Variants in PKP4 observed in about 807,000 individuals in gnomAD.
PKP4 encodes plakophilin-4.
Under a neutral mutation model 145.1 loss-of-function variants are expected in PKP4, and 90 were observed. The observed-to-expected ratio is 0.62, with a 90% CI of 0.52 to 0.74. The LOEUF is 0.74. Among genes scored for constraint, PKP4 ranks in the 30% least tolerant of loss-of-function variants. The pLI, the probability that PKP4 is intolerant of heterozygous loss-of-function variation, is 0.00. For missense variants in PKP4, 1,340 were observed against 1,482.7 expected, an observed-to-expected ratio of 0.90 and a Z score of 1.58; for synonymous variants, 563 against 577.2, an observed-to-expected ratio of 0.98 and a Z score of 0.35.
chr2:158,467,140 T>C (rs1326432623), intron 1 of PKP4, among the ~76,000 whole-genome samples: 4 of 152,212 alleles, frequency 2.6e-5, no homozygotes, highest in Non-Finnish European at 4.4e-5. Context: ...AATATTCTTA[T>C]ACATTTTGGT....
intron 8 of PKP4, 73 bp downstream of exon 8, chr2:158,632,014 G>A (rs1417828619): frequency 7.2e-7 from 1 of 1,383,100 alleles, no homozygotes; most frequent in Non-Finnish European, 1.0e-6. Context: ...TTGAGATTGG[G>A]TTCCCTGTTA....
intron 1 of PKP4, among the ~76,000 whole-genome samples, chr2:158,491,273 G>A (rs1253627090): frequency 1.3e-5 from 2 of 152,132 alleles, no homozygotes; most frequent in African/African-American, 4.8e-5. Flanking sequence ...AATATGCCTA[G>A]CACCAGAATT....
At position 158,592,648 on chromosome 2, in the gene PKP4, AAAG is replaced by A. The variant is rs2049375043; in HGVS notation, c.246-10421_246-10419del. On this transcript the variant is annotated intron_variant, in intron 3 of 21. Transcript: ENST00000389759. ...TTTACTCTGGATAATTAGTAGACAG[AAAG>A]TGAATATCATTCTTTAGACACACAC... 2.0e-5 allele frequency among the ~76,000 whole-genome samples: 3 copies of A among 152,258 alleles called. No individual in the cohort carries two copies. In the South Asian group the frequency reaches 6.2e-4, roughly 32 times the overall value.
At chr2:158,655,997 C>CA (rs1335847995) in intron 11 of PKP4, among the ~76,000 whole-genome samples, 1 of 152,080 alleles carries the variant, frequency 6.6e-6, no homozygotes, top group African/African-American at 2.4e-5. Context: ...GACAGACTGC[C>CA]AAAAAAAGTG....
chr2:158,669,428 T>G (rs1006144766), intron 16 of PKP4: 1 of 238,342 alleles, frequency 4.2e-6, no homozygotes, highest in Non-Finnish European at 8.0e-6. Flanking sequence ...CGAACGAAAG[T>G]AACTTGATTT....
At chr2:158,523,332 C>T (rs1354019547) in intron 1 of PKP4, among the ~76,000 whole-genome samples, 16 of 89,738 alleles carry the variant, frequency 1.8e-4, no homozygotes, top group African/African-American at 2.8e-4. Flanking sequence ...CCCTGACCCC[C>T]GAGCAGCCTA....
intron 1 of PKP4, among the ~76,000 whole-genome samples, chr2:158,494,877 ATT>A (rs112070193): frequency 4.7e-5 from 7 of 148,522 alleles, no homozygotes; most frequent in African/African-American, 1.5e-4. Context: ...TCATTGCTCT[ATT>A]TTTTTTTTTA....
At chr2:158,490,423 T>G (rs532109880) in intron 1 of PKP4, among the ~76,000 whole-genome samples, 24 of 151,964 alleles carry the variant, frequency 1.6e-4, no homozygotes, top group African/African-American at 5.3e-4. Context: ...TTTTAGGGGG[T>G]TAAAAGATGC....
intron 4 of PKP4, among the ~76,000 whole-genome samples, chr2:158,615,838 G>A (rs996749631): frequency 3.3e-5 from 5 of 152,104 alleles, no homozygotes; most frequent in Admixed American, 6.5e-5. Flanking sequence ...TCCATTTTCC[G>A]AGGCCTTTTT....
chr2:158,639,409 A>G (rs951644643), intron 9 of PKP4, among the ~76,000 whole-genome samples: 4 of 152,160 alleles, frequency 2.6e-5, no homozygotes, highest in African/African-American at 9.7e-5. Flanking sequence ...GGGGTCTAAC[A>G]AGTTAATACA....
chr2:158,560,750 T>C (rs1049401273), intron 2 of PKP4, among the ~76,000 whole-genome samples: 2 of 152,234 alleles, frequency 1.3e-5, no homozygotes, highest in Non-Finnish European at 2.9e-5. Context: ...ATTTTGTTCA[T>C]GTACTTCACA....
intron 1 of PKP4, chr2:158,457,716 C>T (rs1689035210): frequency 6.5e-6 from 1 of 153,850 alleles, no homozygotes; most frequent in Non-Finnish European, 1.4e-5. Flanking sequence ...ACCTTGGTCC[C>T]CTCCCCGTCT....
At chr2:158,553,289 C>T (rs752478601) in intron 2 of PKP4, among the ~76,000 whole-genome samples, 1 of 152,118 alleles carries the variant, frequency 6.6e-6, no homozygotes, top group East Asian at 1.9e-4. Flanking sequence ...CTAGAGAGAA[C>T]GCCAAGGATG....
At chr2:158,494,721 A>C (rs1391526794) in intron 1 of PKP4, among the ~76,000 whole-genome samples, 1 of 152,192 alleles carries the variant, frequency 6.6e-6, no homozygotes, top group Non-Finnish European at 1.5e-5. Context: ...TTATAACCAA[A>C]TAGAGATTTT....
intron 11 of PKP4, among the ~76,000 whole-genome samples, chr2:158,649,242 G>A (rs1326529643): frequency 2.0e-5 from 3 of 152,112 alleles, no homozygotes; most frequent in African/African-American, 7.2e-5. Context: ...GGTTGAGCAG[G>A]CAAGTCTCCA....
At position 158,674,005 on chromosome 2, in the gene PKP4, G is replaced by C; in HGVS notation, c.3127+5G>C. 6.8e-7 allele frequency: 1 copy of C among 1,460,218 alleles called. No individual in the cohort carries two copies. The highest frequency in any genetic ancestry group is 9.6e-7 in the Non-Finnish European group (1 of 1,039,202). 90.5% of individuals were successfully genotyped at this position (1,460,218 alleles called of 1,614,324 possible). ...TGTCACCCATCATTCAGTCAGGTCA[G>C]TGGGAAAATGCCACTCCTTGGCGAG... On this transcript the variant is annotated splice_donor_5th_base_variant and intron_variant, in intron 19 of 21. Coordinates refer to ENST00000389759, the MANE Select transcript of PKP4 (RefSeq NM_003628.6).
In PKP4 at chr2:158,676,867, G is replaced by T; in HGVS notation, c.3256G>T (p.Gly1086Cys). 1 of 1,614,002 alleles carries T rather than the reference G, an allele frequency of 6.2e-7. No homozygotes were observed. Among genetic ancestry groups the T allele is most frequent in the Non-Finnish European group, 8.5e-7 (1 of 1,179,992 alleles). ...GDATHKGLYPGSSKPSPIYIS... is the reference protein window; with the variant it reads ...GDATHKGLYPCSSKPSPIYIS... The stretch of plus-strand genomic sequence containing the variant: ...TGCCACACATAAAGGCCTGTACCCT[G>T]GTAAGACGCCAGTTGGGTGTGTGAT... Residue 1086 changes from glycine to cysteine, a missense_variant and splice_region_variant, in exon 20 of 22, where the codon GGC becomes TGC. Transcript: ENST00000389759.
Position 158,504,317 on chromosome 2 carries a change from A to G in PKP4, c.-5-28863A>G, listed in dbSNP as rs184120170. Among the ~76,000 whole-genome samples, 62 of 152,352 alleles carry G rather than the reference A, an allele frequency of 4.1e-4. No individual in the cohort carries two copies. The East Asian group carries it at 9.8e-3, about 24-fold the overall frequency. On this transcript the variant is annotated intron_variant, in intron 1 of 21. Coordinates refer to ENST00000389759, the MANE Select transcript of PKP4 (RefSeq NM_003628.6). ...GCCCAGGGCCTGACACATAGTGGAC[A>G]CTGAGTAAATGCTGGAATGAACAAA...
chr2:158,656,895 G>T (rs1275450727), intron 11 of PKP4, among the ~76,000 whole-genome samples: 1 of 152,164 alleles, frequency 6.6e-6, no homozygotes, highest in South Asian at 2.1e-4. Flanking sequence ...GGCTGAGCAG[G>T]TGGTGTCCAG....
Sources: allele counts gnomAD v4.1 joint callset (sites outside exome capture counted in the v4.1 genomes callset), GRCh38; gene constraint gnomAD v4.1.1; transcripts MANE v1.5; gene names NCBI Gene and HGNC (gene_info 2026-07-23, HGNC 2026-07-21).